Variants in KHDRBS1 observed in about 807,000 individuals in gnomAD.
KHDRBS1 encodes KH RNA binding domain containing, signal transduction associated 1.
A neutral mutation model predicts 48.4 loss-of-function variants in KHDRBS1; 7 were observed. That is an observed-to-expected ratio of 0.14 (90% CI 0.08 to 0.27). The LOEUF is 0.27. Ranked by LOEUF, KHDRBS1 falls within the 10% of genes least tolerant of loss-of-function variation. The pLI is 1.00. For synonymous variants in KHDRBS1, 241 were observed against 235.8 expected (o/e 1.02, Z -0.20); for missense variants, 458 against 601.2 (o/e 0.76, Z 2.49).
chr1:32,049,346 C>T (rs1569821316), intron 10 of KHDRBS1, among the ~76,000 whole-genome samples: 2 of 152,108 alleles, frequency 1.3e-5, no homozygotes, highest in East Asian at 3.9e-4. Flanking sequence ...TGAGCCATCA[C>T]GCTCAGCTGA....
Position 32,036,901 on chromosome 1 carries a change from C to T in KHDRBS1, c.772-9C>T, listed in dbSNP as rs1011747165. On this transcript the variant is annotated splice_polypyrimidine_tract_variant and intron_variant, in intron 4 of 8. Transcript: ENST00000327300. ...ACCACACAATACTCCTTGTATCTTT[C>T]GTTCCCAGGATATGATGGATGATAT... 3.7e-6 allele frequency: 6 copies of T among 1,609,602 alleles called. No individual in the cohort carries two copies. Among genetic ancestry groups the T allele is most frequent in the East Asian group, 2.2e-5 (1 of 44,740 alleles).
chr1:32,033,634 G>A (rs542804149), intron 4 of KHDRBS1, among the ~76,000 whole-genome samples: 12 of 152,132 alleles, frequency 7.9e-5, no homozygotes, highest in Non-Finnish European at 1.5e-4. Flanking sequence ...GGTTTAACAG[G>A]GTCTTCACCT....
At chr1:32,028,707 G>A (rs1410820815) in intron 1 of KHDRBS1, among the ~76,000 whole-genome samples, 17 of 150,974 alleles carry the variant, frequency 1.1e-4, no homozygotes, top group East Asian at 3.9e-4. Context: ...GGGTTTCACC[G>A]TGTTAGCCAG....
chr1:32,028,041 C>T (rs927655015), intron 1 of KHDRBS1, among the ~76,000 whole-genome samples: 6 of 152,180 alleles, frequency 3.9e-5, no homozygotes, highest in Non-Finnish European at 8.8e-5. Flanking sequence ...CGCTTGAACC[C>T]GGGAAGCAGA....
rs1425102111 is a variant in KHDRBS1 at position 32,025,931 on chromosome 1, TTA to T, written c.383-4365_383-4364del. ...AGCTAATTTAAATATATATATATAT[TTA>T]TTTATTTATTTATTTATTTATTTTT... On this transcript the variant is annotated intron_variant, in intron 1 of 8. Transcript: ENST00000327300. Among the ~76,000 whole-genome samples, 19 of 144,262 alleles carry T rather than the reference TTA, an allele frequency of 1.3e-4. 1 individual carries two copies. The highest frequency in any genetic ancestry group is 5.0e-4 in the African/African-American group (19 of 37,728). 94.6% of individuals were successfully genotyped at this position (144,262 alleles called of 152,430 possible). A position where few individuals can be genotyped will look rare whatever the true frequency, so the allele number is the denominator to read the frequency against.
At chr1:32,033,792 C>G (rs967205276) in intron 4 of KHDRBS1, among the ~76,000 whole-genome samples, 7 of 152,140 alleles carry the variant, frequency 4.6e-5, no homozygotes, top group Admixed American at 3.9e-4. Context: ...GGGTTAAATT[C>G]TGACCTGAGC....
downstream of KHDRBS1, among the ~76,000 whole-genome samples, chr1:32,046,743 C>T (rs548253088): frequency 1.3e-5 from 2 of 152,132 alleles, no homozygotes; most frequent in African/African-American, 2.4e-5. Flanking sequence ...GTAAGCCCTA[C>T]GCATATAGAA....
At chr1:32,058,537 G>C (rs893738677) in intron 10 of KHDRBS1, among the ~76,000 whole-genome samples, 13 of 152,192 alleles carry the variant, frequency 8.5e-5, no homozygotes, top group Non-Finnish European at 1.9e-4. Flanking sequence ...ATGGGAGGAG[G>C]GGGGGTGTGG....
At chr1:32,033,095 TA>T (rs1639112662) in intron 3 of KHDRBS1, 92 bp from the exon 4 acceptor site, 2 of 890,278 alleles carry the variant, frequency 2.2e-6, no homozygotes, top group Admixed American at 3.8e-5. Context: ...TCATGGACAT[TA>T]GGGGTATTTC....
chr1:32,033,337 A>G lies in KHDRBS1; in HGVS notation c.771+3A>G. ...AAGTCAAGAAATTTCTAGTACCGGTAAGGAAATCCATATCCTGTGTCTTCT... is the reference window on the plus strand; with the variant it reads ...AAGTCAAGAAATTTCTAGTACCGGTGAGGAAATCCATATCCTGTGTCTTCT... On this transcript the variant is annotated splice_donor_region_variant and intron_variant, in intron 4 of 8. Transcript: ENST00000327300. 2 of 1,613,994 alleles carry G rather than the reference A, an allele frequency of 1.2e-6. No homozygotes were observed. The highest frequency in any genetic ancestry group is 1.7e-6 in the Non-Finnish European group (2 of 1,179,842).
chr1:32,029,796 T>C (rs1326747476), intron 1 of KHDRBS1, among the ~76,000 whole-genome samples: 1 of 152,252 alleles, frequency 6.6e-6, no homozygotes, highest in Non-Finnish European at 1.5e-5. Context: ...TTTATTAACT[T>C]AGGTCACACG....
At chr1:32,042,467 C>T in intron 8 of KHDRBS1, 60 bp from the exon 9 acceptor site, 1 of 1,112,320 alleles carries the variant, frequency 9.0e-7, no homozygotes, top group East Asian at 2.4e-5. Flanking sequence ...TGACCTATCC[C>T]TGCTTATCCC....
At chr1:32,038,169 G>T (rs1569805585) in intron 6 of KHDRBS1, 133 bp downstream of exon 6, 3 of 1,371,758 alleles carry the variant, frequency 2.2e-6, no homozygotes, top group East Asian at 5.0e-5. Context: ...CTCTTCTCTT[G>T]CAGTGAATGT....
intron 1 of KHDRBS1, among the ~76,000 whole-genome samples, chr1:32,027,222 T>C (rs995578979): frequency 3.3e-5 from 5 of 152,152 alleles, no homozygotes; most frequent in African/African-American, 9.7e-5. Flanking sequence ...ATGAGCCACC[T>C]CTCCTGGCCT....
At chr1:32,018,944 G>T (rs940784943) in intron 1 of KHDRBS1, among the ~76,000 whole-genome samples, 2 of 151,416 alleles carry the variant, frequency 1.3e-5, no homozygotes, top group African/African-American at 4.9e-5. Flanking sequence ...GGTGGCACGT[G>T]CCTGTAATCC....
Position 32,042,981 on chromosome 1 carries a change from C to T in KHDRBS1, c.*357C>T, listed in dbSNP as rs1478850058. 3.2e-5 allele frequency: 5 copies of T among 156,792 alleles called. 1 individual carries two copies. Among genetic ancestry groups the T allele is most frequent in the Admixed American group, 2.6e-4 (4 of 15,678 alleles). The allele number at this position is 156,792 out of a possible 1,614,324, so 9.7% of individuals were successfully genotyped here. ...CCTGTTAGTTTCAAAAATGACATTG[C>T]TTGCTTAAAGGTTCTGAAGTAAAGG... is the stretch of plus-strand genomic sequence containing the variant. On this transcript the variant is annotated 3_prime_UTR_variant, in exon 9 of 9. Coordinates refer to ENST00000327300, the MANE Select transcript of KHDRBS1 (RefSeq NM_006559.3).
intron 10 of KHDRBS1, among the ~76,000 whole-genome samples, chr1:32,057,914 C>T (rs1639498699): frequency 6.6e-6 from 1 of 151,312 alleles, no homozygotes; most frequent in African/African-American, 2.4e-5. Flanking sequence ...GTCAGGAGTT[C>T]AAGACCAGCC....
chr1:32,046,116 G>C (rs537517351), downstream of KHDRBS1, among the ~76,000 whole-genome samples: 7 of 152,114 alleles, frequency 4.6e-5, no homozygotes, highest in Admixed American at 4.6e-4. Context: ...TCAAGCTCAA[G>C]ATTTCTGTTG....
rs185634521 is a variant in KHDRBS1 at position 32,055,947 on chromosome 1, C to T, written n.1302-4216C>T. On this transcript the variant is annotated intron_variant and non_coding_transcript_variant, in intron 10 of 10. Coordinates refer to the KHDRBS1 transcript ENST00000484270. ...TGAGGATGCAGTCTCATCTAGTGTT[C>T]TGCAAACTGTAGCACTCTCTGTTTT... Among the ~76,000 whole-genome samples, 10 of 152,270 alleles carry T rather than the reference C, an allele frequency of 6.6e-5. No individual in the cohort carries two copies. In the East Asian group the frequency reaches 1.5e-3, roughly 24 times the overall value.
Sources: gnomAD v4.1 joint callset for allele counts (sites outside exome capture counted in the v4.1 genomes callset) on GRCh38, gnomAD v4.1.1 for gene constraint, MANE v1.5 for transcripts, NCBI Gene and HGNC (gene_info 2026-07-23, HGNC 2026-07-21) for gene names.